The following ZNF717 variants were observed in gnomAD, a reference collection of about 807,000 sequenced individuals.
The protein encoded by ZNF717 is krueppel-like factor X17.
A neutral mutation model predicts 13.8 loss-of-function variants in ZNF717; 9 were observed. The ratio of observed to expected loss-of-function variants is 0.65; its 90% CI spans 0.39 to 1.14. ZNF717 has a LOEUF of 1.14. Ranked by LOEUF, ZNF717 falls within the 50% of genes most tolerant of loss-of-function variation. The probability of loss-of-function intolerance (pLI) is 0.01; values close to 1 mark genes in which losing one functional copy is unlikely to be tolerated. For missense variants in ZNF717, 1,040 were observed against 1,080.7 expected (o/e 0.96, Z 0.53); for synonymous variants, 327 against 364.1 (o/e 0.90, Z 1.16).
intron 2 of ZNF717, among the ~76,000 whole-genome samples, chr3:75,769,898 T>C (rs984431357): frequency 5.9e-5 from 9 of 152,264 alleles, no homozygotes; most frequent in South Asian, 2.1e-4. Flanking sequence ...ACATATATTG[T>C]ATATGTTAGC....
At chr3:75,781,034 CA>C (rs775768354) in intron 2 of ZNF717, among the ~76,000 whole-genome samples, 1 of 152,238 alleles carries the variant, frequency 6.6e-6, no homozygotes, top group African/African-American at 2.4e-5. Flanking sequence ...AAGTTTTGGC[CA>C]ATCTCTCAAA....
chr3:75,725,241 C>T (rs1157887980), downstream of ZNF717, among the ~76,000 whole-genome samples: 2 of 45,492 alleles, frequency 4.4e-5, no homozygotes, highest in East Asian at 9.6e-4. Flanking sequence ...ATCTTGTTCG[C>T]TTCCAGACTA....
In ZNF717 at chr3:75,749,915, T is replaced by G. The variant is rs1423782648; in HGVS notation, c.58-8179A>C. On this transcript the variant is annotated intron_variant, in intron 2 of 4. Transcript: ENST00000652011. Reference sequence around the variant, plus strand: ...AGGATTCCAGAACACTGCTGTTGGGTTCTGAGGGTTTGTCCCTCACATAGG... The same window carrying G: ...AGGATTCCAGAACACTGCTGTTGGGGTCTGAGGGTTTGTCCCTCACATAGG... Among the ~76,000 whole-genome samples the G allele has an allele frequency of 3.3e-3, 472 of 142,452 alleles. 2 individuals carry two copies. Among genetic ancestry groups the G allele is most frequent in the African/African-American group, 0.012 (460 of 37,580 alleles). The allele number at this position is 142,452 out of a possible 152,430, so 93.5% of individuals were successfully genotyped here.
Position 75,738,178 on chromosome 3 carries a change from T to C in ZNF717, c.1445A>G (p.Asn482Ser), listed in dbSNP as rs1939733963. The C allele has an allele frequency of 3.6e-6, 5 of 1,391,006 alleles. No homozygotes were observed. In the Admixed American group the frequency reaches 6.4e-5, roughly 18 times the overall value. 86.2% of individuals were successfully genotyped at this position (1,391,006 alleles called of 1,614,324 possible). A position where few individuals can be genotyped will look rare whatever the true frequency, so the allele number is the denominator to read the frequency against. ...ACGGTGAAACGTTTTCCCACATTCA[T>C]TGCATTCATAGGGTTTTTCCCCTGT... ...THTGEKPYEC[N>S]ECGKTFHRKS... The change falls in exon 5 of 5, where the codon AAT (asparagine) becomes AGT (serine). Residue 482 changes from asparagine to serine, a missense_variant. Transcript: ENST00000652011.
At chr3:75,774,871 G>A (rs940131927) in intron 2 of ZNF717, among the ~76,000 whole-genome samples, 12 of 152,122 alleles carry the variant, frequency 7.9e-5, no homozygotes, top group Middle Eastern at 3.4e-3. Context: ...CGTCCATCTC[G>A]GCCTCCCAAA....
intron 6 of ZNF717, among the ~76,000 whole-genome samples, chr3:75,700,117 G>T (rs1482250012): frequency 6.6e-6 from 1 of 152,298 alleles, no homozygotes; most frequent in Non-Finnish European, 1.5e-5. Context: ...TAACAGGCCA[G>T]GGGCAGTGGC....
intron 6 of ZNF717, among the ~76,000 whole-genome samples, chr3:75,696,826 G>C (rs1937608759): frequency 6.6e-6 from 1 of 152,138 alleles, no homozygotes; most frequent in East Asian, 1.9e-4. Flanking sequence ...CCAGGAGACA[G>C]AGGTTGCAGT....
At chr3:75,782,108 T>C (rs1191343212) in intron 2 of ZNF717, among the ~76,000 whole-genome samples, 5 of 152,144 alleles carry the variant, frequency 3.3e-5, no homozygotes, top group Admixed American at 3.3e-4. Context: ...TCTAACTCGC[T>C]CGGATACGAC....
At chr3:75,720,672 C>T (rs1240309113) in intron 4 of ZNF717, among the ~76,000 whole-genome samples, 2 of 152,196 alleles carry the variant, frequency 1.3e-5, no homozygotes, top group Non-Finnish European at 2.9e-5. Flanking sequence ...AGTCTAAAAC[C>T]TGTCAATATG....
intron 2 of ZNF717, among the ~76,000 whole-genome samples, chr3:75,766,385 T>G (rs986737704): frequency 6.6e-6 from 1 of 152,112 alleles, no homozygotes; most frequent in Non-Finnish European, 1.5e-5. Flanking sequence ...ATGGAGATGT[T>G]AACACTAGAT....
In ZNF717 at chr3:75,738,598, T is replaced by C. The variant is rs780226844; in HGVS notation, c.1025A>G (p.Asn342Ser). ...ACGGCGAAAGGTTTTACCACATTCA[T>C]TGCATCCATAGGGCTTTTCCCCTGT... is the stretch of plus-strand genomic sequence containing the variant. ...IHTGEKPYGC[N>S]ECGKTFRRKS... is the part of the protein sequence containing the mutation. The change falls in exon 5 of 5, where the codon AAT (asparagine) becomes AGT (serine). Residue 342 changes from asparagine to serine, a missense_variant. Asn to Ser is a conservative substitution (Grantham distance 46). Around this residue, in one of 3 missense-constraint regions of ZNF717, gnomAD observed 873 missense variants for 832.8 expected, o/e 1.05. Transcript: ENST00000652011. 121 of 1,542,208 alleles carry C rather than the reference T, an allele frequency of 7.8e-5. No individual in the cohort carries two copies. Among genetic ancestry groups the C allele is most frequent in the Non-Finnish European group, 1.0e-4 (116 of 1,140,352 alleles).
chr3:75,763,244 T>TAG (rs1461776603), intron 2 of ZNF717, among the ~76,000 whole-genome samples: 1 of 152,204 alleles, frequency 6.6e-6, no homozygotes, highest in Non-Finnish European at 1.5e-5. Context: ...AAGGAAACTG[T>TAG]AGAGTAAAAG....
intron 2 of ZNF717, among the ~76,000 whole-genome samples, chr3:75,750,391 G>A (rs1418828395): frequency 6.1e-5 from 9 of 148,486 alleles, no homozygotes; most frequent in African/African-American, 2.0e-4. Context: ...ACTATGTTAC[G>A]AGAGTCTGAA....
intron 2 of ZNF717, among the ~76,000 whole-genome samples, chr3:75,765,017 A>ATGTGTGTGTGTGTGTGTGTG (rs1553680573): frequency 9.7e-5 from 3 of 31,022 alleles, no homozygotes; most frequent in African/African-American, 3.0e-4. Flanking sequence ...ATATATATAT[A>ATGTGTGTGTGTGTGTGTGTG]TATATATATA....
chr3:75,763,215 G>A (rs1363195703), intron 2 of ZNF717, among the ~76,000 whole-genome samples: 4 of 152,102 alleles, frequency 2.6e-5, no homozygotes, highest in Non-Finnish European at 4.4e-5. Flanking sequence ...TACCTCAAAG[G>A]TCACAACCAA....
intron 5 of ZNF717, among the ~76,000 whole-genome samples, chr3:75,716,137 A>ATTT (rs142722374): frequency 7.1e-4 from 99 of 139,776 alleles, no homozygotes; most frequent in African/African-American, 2.4e-3. Flanking sequence ...TGCCTGGCTA[A>ATTT]TTTTTTTTTT....
chr3:75,753,292 T>C (rs146385387), intron 2 of ZNF717, among the ~76,000 whole-genome samples: 236 of 63,010 alleles, frequency 3.7e-3, no homozygotes, highest in South Asian at 6.7e-3. Context: ...CACACTGCTA[T>C]GAGGTTCTGA....
intron 2 of ZNF717, among the ~76,000 whole-genome samples, chr3:75,781,339 C>A (rs537895867): frequency 3.7e-4 from 56 of 152,316 alleles, no homozygotes; most frequent in African/African-American, 1.2e-3. Context: ...ATGCCACTTC[C>A]CTTTTGTCTA....
intron 2 of ZNF717, among the ~76,000 whole-genome samples, chr3:75,758,072 C>T (rs956313038): frequency 6.0e-5 from 8 of 132,528 alleles, no homozygotes; most frequent in African/African-American, 2.0e-4. Flanking sequence ...GAGCTGAGAT[C>T]GTGTTGTCAC....
Sources: gnomAD v4.1 joint callset for allele counts (sites outside exome capture counted in the v4.1 genomes callset) on GRCh38, gnomAD v4.1.1 for gene constraint, gnomAD v4.1.1 regional missense constraint, MANE v1.5 for transcripts, NCBI Gene and HGNC (gene_info 2026-07-23, HGNC 2026-07-21) for gene names.